OBSL1: variants seen among roughly 807,000 people sequenced by gnomAD.
The protein encoded by OBSL1 is obscurin like cytoskeletal adaptor 1.
OBSL1 carries 160 observed loss-of-function variants against 172.0 expected under a neutral mutation model. The ratio of observed to expected loss-of-function variants is 0.93; its 90% confidence interval spans 0.82 to 1.06. OBSL1 has a LOEUF of 1.06. Ranked by LOEUF, OBSL1 falls within the 50% of genes least tolerant of loss-of-function variation. The pLI is 0.00. For synonymous variants in OBSL1, 1,200 were observed against 1,196.3 expected, an observed-to-expected ratio of 1.00 and a Z score of -0.06; for missense variants, 2,681 against 2,715.4, an observed-to-expected ratio of 0.99 and a Z score of 0.28.
rs778894054 is a variant in OBSL1, at chr2:219,570,863, C to A, written c.370G>T (p.Gly124Trp). 2 of 1,404,386 alleles carry A rather than the reference C, an allele frequency of 1.4e-6. No individual in the cohort carries two copies. The highest frequency in any genetic ancestry group is 1.6e-5 in the South Asian group (1 of 62,484). 87.0% of individuals were successfully genotyped at this position (1,404,386 alleles called of 1,614,324 possible). ...GTGAGGAAGACCGGGGCGCCCTCCC[C>A]GGACCCCGGCGATGGCAGCGGGCGC... ...AERPLPSPGSGEGAPVFLTGP... is the reference protein window; with the variant it reads ...AERPLPSPGSWEGAPVFLTGP... Residue 124 changes from glycine to tryptophan, a missense_variant, in exon 1 of 21, where the codon GGG becomes TGG. Physicochemically the swap from Gly to Trp is radical, Grantham distance 184 (BLOSUM62 -2). Transcript: ENST00000404537.
In OBSL1 at chr2:219,552,245, C is replaced by T. The variant is rs4672934; in HGVS notation, c.5309-29G>A. On this transcript the variant is annotated intron_variant, in intron 18 of 20. Transcript: ENST00000404537. ...GGGGTGAGGGGGTCGCTAGCGAGGCCGGAGCCACCTCTGAGGAGCGTTGGG... is the reference window on the plus strand; with the variant it reads ...GGGGTGAGGGGGTCGCTAGCGAGGCTGGAGCCACCTCTGAGGAGCGTTGGG... 820,211 of 1,559,258 alleles carry T rather than the reference C, an allele frequency of 0.53. 220,548 individuals are homozygous for T. The highest frequency in any genetic ancestry group is 0.73 in the South Asian group (62,567 of 85,196).
intron 11 of OBSL1, 64 bp downstream of exon 11, chr2:219,557,757 CAG>C: frequency 1.3e-6 from 2 of 1,552,578 alleles, no homozygotes. Context: ...AGGAATCCCG[CAG>C]AGTTTGGGGT....
intron 14 of OBSL1, 175 bp from the exon 15 acceptor site, chr2:219,554,915 G>A (rs1053761893): frequency 4.0e-5 from 26 of 653,098 alleles, no homozygotes; most frequent in African/African-American, 2.9e-4. Context: ...CAGATTTGGC[G>A]GGGGGAGGGC....
chr2:219,562,705 TGA>T, intron 7 of OBSL1, 31 bp from the exon 8 acceptor site: 1 of 1,516,814 alleles, frequency 6.6e-7, no homozygotes. Context: ...CTGCCGGGCA[TGA>T]GGGGTGTGCC....
chr2:219,549,634 C>G, downstream of OBSL1: 1 of 1,579,814 alleles, frequency 6.3e-7, no homozygotes, highest in South Asian at 1.2e-5. Context: ...ATAGAAGTGT[C>G]AGGCTTGTGG....
rs2106072038 is a variant in OBSL1, at chr2:219,563,300, C to T, written c.2680+55G>A. 2.7e-6 allele frequency: 4 copies of T among 1,482,264 alleles called. No individual in the cohort carries two copies. The Middle Eastern group carries it at 5.4e-4, about 200-fold the overall frequency. The allele number at this position is 1,482,264 out of a possible 1,614,324, so 91.8% of individuals were successfully genotyped here. ...GGGAGTGAAGGTGTGGCAGCTGTTC[C>T]AGTGGGAGCAGGGGCACCTTCCCCT... On this transcript the variant is annotated intron_variant, in intron 7 of 20. Transcript: ENST00000404537.
intron 8 of OBSL1, 119 bp from the exon 9 acceptor site, chr2:219,559,616 A>C: frequency 1.2e-6 from 1 of 857,034 alleles, no homozygotes; most frequent in Non-Finnish European, 1.8e-6. Context: ...TAAAATAATA[A>C]TAAGCAATAA....
intron 14 of OBSL1, chr2:219,555,061 G>A (rs71429226): frequency 0.03 from 11,114 of 372,478 alleles, 234 homozygotes; most frequent in Non-Finnish European, 0.042. Flanking sequence ...ATGGAACCTC[G>A]CTCTACCACA....
rs1695627606 is a variant in OBSL1 at position 219,551,790 on chromosome 2, G to A, written c.5422C>T (p.Leu1808Phe). ...CGAGGGGGGTGGCGGCACATCTGGA[G>A]AGGCAATGCTGGGGGTAGGGGGCGG... ...LALLEVEALP[L>F]QMCRHPPREK... The change falls in exon 20 of 21, where the codon CTC becomes TTC. Residue 1808 changes from leucine (L) to phenylalanine (F), a missense_variant. Around this residue, in one of 5 missense-constraint regions of OBSL1, gnomAD observed 1,765 missense variants for 1,748.3 expected, o/e 1.01. Coordinates refer to ENST00000404537, the MANE Select transcript of OBSL1 (RefSeq NM_015311.3). The A allele has an allele frequency of 6.3e-7, 1 of 1,580,556 alleles. No individual in the cohort carries two copies. Among genetic ancestry groups the A allele is most frequent in the African/African-American group, 1.3e-5 (1 of 74,528 alleles).
rs963220414 is a variant in OBSL1, at chr2:219,570,743, CCTT to C, written c.487_489del (p.Lys163del). On this transcript the variant is annotated inframe_deletion, in exon 1 of 21. Transcript: ENST00000404537. ...CACACTTCGTCCAGGGCCATCCCGTCCTTCTCCCAGTACAGTGTGGGCTCGGGG... is the reference window on the plus strand; with the variant it reads ...CACACTTCGTCCAGGGCCATCCCGTCCTCCCAGTACAGTGTGGGCTCGGGG... 2.6e-6 allele frequency: 4 copies of C among 1,510,924 alleles called. No homozygotes were observed. Among genetic ancestry groups the C allele is most frequent in the Non-Finnish European group, 3.5e-6 (4 of 1,136,860 alleles). 93.6% of individuals were successfully genotyped at this position (1,510,924 alleles called of 1,614,324 possible). A position where few individuals can be genotyped will look rare whatever the true frequency, so the allele number is the denominator to read the frequency against.
Position 219,570,401 on chromosome 2 carries a change from C to T in OBSL1, c.832G>A (p.Glu278Lys). 6.2e-7 allele frequency: 1 copy of T among 1,613,288 alleles called. No individual in the cohort carries two copies. ...AGCGGGCGGCCCTCCCAGTGCCATTCGATCTCGGGCTCGGGCTTGCCCATC... is the reference window on the plus strand; with the variant it reads ...AGCGGGCGGCCCTCCCAGTGCCATTTGATCTCGGGCTCGGGCTTGCCCATC... ...YVMGKPEPEI[E>K]WHWEGRPLLP... The change falls in exon 1 of 21, where the codon GAA (glutamate) becomes AAA (lysine). Residue 278 changes from glutamate (E) to lysine (K), a missense_variant. Glu to Lys is a moderately conservative substitution (Grantham distance 56). This residue lies in a region of OBSL1 where 706 missense variants were observed against 695.8 expected (regional missense o/e 1.01). Coordinates refer to ENST00000404537, the MANE Select transcript of OBSL1 (RefSeq NM_015311.3).
chr2:219,566,953 G>C lies in OBSL1; in HGVS notation c.2011C>G (p.Arg671Gly), dbSNP rs764398154. Residue 671 changes from arginine (R) to glycine (G), a missense_variant, in exon 5 of 21, where the codon CGT becomes GGT. Physicochemically the swap from Arg to Gly is moderately radical, Grantham distance 125 (BLOSUM62 -2). Around this residue, in one of 5 missense-constraint regions of OBSL1, gnomAD observed 1,765 missense variants for 1,748.3 expected, o/e 1.01. Coordinates refer to ENST00000404537, the MANE Select transcript of OBSL1 (RefSeq NM_015311.3). The part of the protein sequence containing the change: ...GQVEPGALRY[R>G]IEQKGLQHRL... ...TGCTGCAGACCCTTCTGCTCTATACGGTACCGCAGGGCCCCAGGTTCCACC... is the reference window on the plus strand; with the variant it reads ...TGCTGCAGACCCTTCTGCTCTATACCGTACCGCAGGGCCCCAGGTTCCACC... 6.2e-7 allele frequency: 1 copy of C among 1,613,772 alleles called. No individual in the cohort carries two copies. Among genetic ancestry groups the C allele is most frequent in the Admixed American group, 1.7e-5 (1 of 60,022 alleles).
chr2:219,553,773 A>G (rs1362281843), intron 15 of OBSL1, 87 bp from the exon 16 acceptor site: 6 of 796,362 alleles, frequency 7.5e-6, no homozygotes, highest in Non-Finnish European at 1.0e-5. Context: ...CTTGGGCACA[A>G]CAGGCAGTAG....
downstream of OBSL1, chr2:219,549,293 A>G (rs780748956): frequency 6.2e-7 from 1 of 1,613,370 alleles, no homozygotes; most frequent in Non-Finnish European, 8.5e-7. Context: ...GGGCCACCAG[A>G]CCCTGCTTAT....
intron 1 of OBSL1, among the ~76,000 whole-genome samples, chr2:219,569,989 A>C (rs954659102): frequency 2.0e-5 from 3 of 152,238 alleles, no homozygotes; most frequent in African/African-American, 7.2e-5. Flanking sequence ...GTGTTCCACC[A>C]TCTGCCTCGG....
At chr2:219,550,057 G>A (rs1289740380), downstream of OBSL1, 156 of 659,636 alleles carry the variant, frequency 2.4e-4, 1 homozygote, top group African/African-American at 1.8e-5. Context: ...AGGCTCCTGA[G>A]GAACTCGGGG....
chr2:219,571,113 C>A lies in OBSL1; in HGVS notation c.120G>T (p.Pro40=). ...ELKCVVLGEP[P]PVVVWEKGGQ... ...CGCCCTTCTCCCACACCACTACAGG[C>A]GGCGGCTCCCCCAGGACCACGCACT... The change falls in exon 1 of 21, where the codon CCG becomes CCT. Residue 40 remains proline (P), a synonymous_variant. Coordinates refer to ENST00000404537, the MANE Select transcript of OBSL1 (RefSeq NM_015311.3). The A allele has an allele frequency of 6.8e-7, 1 of 1,467,812 alleles. No homozygotes were observed. The highest frequency in any genetic ancestry group is 1.3e-5 in the South Asian group (1 of 76,216). 90.9% of individuals were successfully genotyped at this position (1,467,812 alleles called of 1,614,324 possible).
In OBSL1 at chr2:219,556,695, C is replaced by A. The variant is rs1983210; in HGVS notation, c.4095G>T (p.Glu1365Asp). The A allele has an allele frequency of 6.2e-7, 1 of 1,605,606 alleles. No individual in the cohort carries two copies. Among genetic ancestry groups the A allele is most frequent in the Non-Finnish European group, 8.5e-7 (1 of 1,173,198 alleles). ...CCTCGTGGACAGTGAGTGGTGTCAG[C>A]TCCGAGACCAGCTTCACCAGCAGTG... is the stretch of plus-strand genomic sequence containing the variant. ...EEPLLVKLVSELTPLTVHEGD... is the reference protein window; with the variant it reads ...EEPLLVKLVSDLTPLTVHEGD... The change falls in exon 13 of 21, where the codon GAG becomes GAT. Residue 1365 changes from glutamate to aspartate, a missense_variant. Coordinates refer to ENST00000404537, the MANE Select transcript of OBSL1 (RefSeq NM_015311.3).
At chr2:219,547,704 G>A (rs768949056), downstream of OBSL1, 1 of 1,571,352 alleles carries the variant, frequency 6.4e-7, no homozygotes, top group African/African-American at 1.3e-5. Context: ...TTCCTGGTGG[G>A]GCTGCTGCTC....
Sources: allele counts gnomAD v4.1 joint callset (sites outside exome capture counted in the v4.1 genomes callset), GRCh38; gene constraint gnomAD v4.1.1; regional missense constraint gnomAD v4.1.1; transcripts MANE v1.5; gene names NCBI Gene and HGNC (gene_info 2026-07-23, HGNC 2026-07-21).